The following PCDH15 variants were observed in gnomAD, a reference collection of about 807,000 sequenced individuals.
PCDH15 encodes protocadherin related 15, also known as protocadherin-15.
PCDH15 carries 129 observed loss-of-function variants against 178.5 expected under a neutral mutation model. The observed-to-expected ratio is 0.72, with a 90% CI of 0.63 to 0.84. PCDH15 has a LOEUF of 0.84. Among genes scored for constraint, PCDH15 ranks in the 40% least tolerant of loss-of-function variants. The pLI, the probability that PCDH15 is intolerant of heterozygous loss-of-function variation, is 0.00. For missense variants in PCDH15, 2,230 were observed against 2,099.9 expected (o/e 1.06, Z -1.21); for synonymous variants, 800 against 732.0 (o/e 1.09, Z -1.50).
At chr10:55,104,173 T>C (rs765819750) in intron 2 of PCDH15, among the ~76,000 whole-genome samples, 1 of 151,498 alleles carries the variant, frequency 6.6e-6, no homozygotes, top group African/African-American at 2.5e-5. Flanking sequence ...TTTTCTTCTC[T>C]AGTAATAAAT....
intron 13 of PCDH15, among the ~76,000 whole-genome samples, chr10:54,155,108 A>T (rs904391912): frequency 1.3e-5 from 2 of 152,162 alleles, no homozygotes; most frequent in Non-Finnish European, 2.9e-5. Flanking sequence ...TCTTCCTGGG[A>T]CTTAAATTGG....
At chr10:54,064,335 A>C (rs1248691898) in intron 18 of PCDH15, among the ~76,000 whole-genome samples, 2 of 152,100 alleles carry the variant, frequency 1.3e-5, no homozygotes, top group African/African-American at 4.8e-5. Context: ...AGGAGGAAGT[A>C]CATGTTGATT....
chr10:54,883,105 T>TC (rs1564600366), intron 3 of PCDH15, among the ~76,000 whole-genome samples: 1 of 151,302 alleles, frequency 6.6e-6, no homozygotes, highest in Non-Finnish European at 1.5e-5. Flanking sequence ...AAAGTGGTTT[T>TC]TCTCTGGACC....
chr10:55,307,434 C>T (rs921025508), intron 1 of PCDH15, among the ~76,000 whole-genome samples: 11 of 151,694 alleles, frequency 7.3e-5, no homozygotes, highest in African/African-American at 2.7e-4. Context: ...ACCCGGGAGG[C>T]TGAGCTTGCA....
chr10:54,550,018 T>C (rs932886839), intron 2 of PCDH15, among the ~76,000 whole-genome samples: 4 of 152,054 alleles, frequency 2.6e-5, no homozygotes, highest in African/African-American at 9.7e-5. Context: ...TCTTTAAAAC[T>C]CTTAAAATCT....
chr10:55,117,993 A>T (rs967386854), intron 2 of PCDH15, among the ~76,000 whole-genome samples: 1 of 152,106 alleles, frequency 6.6e-6, no homozygotes, highest in South Asian at 2.1e-4. Flanking sequence ...TGTGGAGTCC[A>T]TTTGCTTGAG....
chr10:54,060,235 T>C (rs897177996), intron 18 of PCDH15, among the ~76,000 whole-genome samples: 3 of 152,184 alleles, frequency 2.0e-5, no homozygotes, highest in African/African-American at 7.2e-5. Flanking sequence ...CTGACTATGA[T>C]TGTTTGTAGT....
At chr10:53,837,160 T>C (rs1009133993) in intron 29 of PCDH15, among the ~76,000 whole-genome samples, 1 of 151,666 alleles carries the variant, frequency 6.6e-6, no homozygotes, top group Admixed American at 6.6e-5. Context: ...CAAATTGTAA[T>C]TGGAATCCCA....
intron 2 of PCDH15, among the ~76,000 whole-genome samples, chr10:55,337,799 G>A (rs912850407): frequency 7.2e-5 from 11 of 151,968 alleles, no homozygotes; most frequent in African/African-American, 2.4e-4. Flanking sequence ...AAATTTAAGG[G>A]ATAGTGGTGA....
intron 3 of PCDH15, among the ~76,000 whole-genome samples, chr10:54,461,174 A>C (rs1325974973): frequency 1.3e-5 from 2 of 152,116 alleles, no homozygotes; most frequent in East Asian, 3.9e-4. Flanking sequence ...CTCTTAAGTG[A>C]ATAATAAAGA....
chr10:55,555,442 CA>C (rs1189523422), intron 2 of PCDH15, among the ~76,000 whole-genome samples: 1 of 152,028 alleles, frequency 6.6e-6, no homozygotes, highest in Admixed American at 6.6e-5. Flanking sequence ...CTTAAAAATT[CA>C]TTTAATCCTG....
chr10:53,860,850 A>G (rs1049855301), intron 27 of PCDH15, among the ~76,000 whole-genome samples: 4 of 151,912 alleles, frequency 2.6e-5, no homozygotes, highest in African/African-American at 9.7e-5. Flanking sequence ...AGATTTTATG[A>G]TGTTAATACA....
chr10:55,603,261 C>T (rs534299591), intron 2 of PCDH15, among the ~76,000 whole-genome samples: 44 of 151,240 alleles, frequency 2.9e-4, no homozygotes, highest in Non-Finnish European at 6.0e-4. Context: ...ACCAAATCTA[C>T]GTCTGATTGG....
At chr10:53,851,770 C>T (rs2078393922) in intron 28 of PCDH15, among the ~76,000 whole-genome samples, 1 of 140,016 alleles carries the variant, frequency 7.1e-6, no homozygotes, top group African/African-American at 2.6e-5. Context: ...TAAATAAATT[C>T]TATATACGTA....
chr10:55,434,012 T>C lies in PCDH15; in HGVS notation c.-156+193613A>G, dbSNP rs527753351. Among the ~76,000 whole-genome samples the C allele has an allele frequency of 1.2e-3, 177 of 152,062 alleles. 1 individual carries two copies. The highest frequency in any genetic ancestry group is 1.3e-3 in the Non-Finnish European group (90 of 67,966). ...TCTATATTTAACATATTCAAAGCATTATTTACTGAAGTTTGATAAATCATA... is the reference window on the plus strand; with the variant it reads ...TCTATATTTAACATATTCAAAGCATCATTTACTGAAGTTTGATAAATCATA... On this transcript the variant is annotated intron_variant, in intron 2 of 5. Coordinates refer to the PCDH15 transcript ENST00000613346.
chr10:53,854,505 A>G (rs2078597939), intron 28 of PCDH15, among the ~76,000 whole-genome samples: 1 of 152,018 alleles, frequency 6.6e-6, no homozygotes, highest in African/African-American at 2.4e-5. Flanking sequence ...AACATGAGAT[A>G]GAGGTCTTTA....
At chr10:54,904,261 T>A (rs1160268254) in intron 2 of PCDH15, among the ~76,000 whole-genome samples, 1 of 152,152 alleles carries the variant, frequency 6.6e-6, no homozygotes, top group Non-Finnish European at 1.5e-5. Flanking sequence ...TACTATATTT[T>A]AACTTTGCAT....
intron 2 of PCDH15, among the ~76,000 whole-genome samples, chr10:55,046,690 G>A (rs1292585703): frequency 1.3e-5 from 2 of 151,952 alleles, no homozygotes; most frequent in African/African-American, 2.4e-5. Context: ...AGGCAGATGA[G>A]GAATTTGAAA....
intron 2 of PCDH15, among the ~76,000 whole-genome samples, chr10:54,963,209 T>G (rs1838699917): frequency 2.0e-5 from 3 of 152,208 alleles, no homozygotes; most frequent in African/African-American, 7.2e-5. Context: ...TCATCCTTTC[T>G]TTCCTTAGCT....
Sources: gnomAD v4.1 joint callset for allele counts (sites outside exome capture counted in the v4.1 genomes callset) on GRCh38, gnomAD v4.1.1 for gene constraint, MANE v1.5 for transcripts, NCBI Gene and HGNC (gene_info 2026-07-23, HGNC 2026-07-21) for gene names.